RNF213: variants seen among roughly 807,000 people sequenced by gnomAD.
RNF213 encodes the protein ring finger protein 213.
A neutral mutation model predicts 514.4 loss-of-function variants in RNF213; 341 were observed. The observed-to-expected ratio is 0.66, with a 90% confidence interval of 0.61 to 0.73. RNF213 has a LOEUF of 0.73. Among genes scored for constraint, RNF213 ranks in the 30% least tolerant of loss-of-function variants. The pLI is 0.00. For missense variants in RNF213, 5,767 were observed against 6,615.6 expected (o/e 0.87, Z 4.45); for synonymous variants, 2,655 against 2,658.2 (o/e 1.00, Z 0.04).
chr17:80,388,777 C>T, intron 64 of RNF213, 88 bp downstream of exon 64: 1 of 1,068,624 alleles, frequency 9.4e-7, no homozygotes, highest in Non-Finnish European at 1.5e-6. Flanking sequence ...CAGCCTTGCC[C>T]CGGGTGTTTG....
chr17:80,281,705 T>A (rs1458137462), intron 3 of RNF213, among the ~76,000 whole-genome samples: 1 of 138,058 alleles, frequency 7.2e-6, no homozygotes, highest in East Asian at 2.2e-4. Flanking sequence ...CATCTCATAC[T>A]CACACTGAAA....
chr17:80,293,864 G>T (rs1404904328), intron 8 of RNF213, among the ~76,000 whole-genome samples: 2 of 152,082 alleles, frequency 1.3e-5, no homozygotes, highest in Non-Finnish European at 2.9e-5. Flanking sequence ...TTGACCTGGA[G>T]GTCGGCAGAA....
chr17:80,273,613 CTTTTT>C (rs56957242), intron 3 of RNF213, among the ~76,000 whole-genome samples: 2,013 of 97,612 alleles, frequency 0.021, 67 homozygotes, highest in African/African-American at 0.076. Context: ...CCTCCACCGT[CTTTTT>C]TTTTTTTTTT....
chr17:80,354,419 G>A lies in RNF213; in HGVS notation c.10727-22G>A, dbSNP rs142714112. On this transcript the variant is annotated intron_variant, in intron 35 of 67. Coordinates refer to ENST00000582970, the MANE Select transcript of RNF213 (RefSeq NM_001256071.3). The stretch of plus-strand genomic sequence containing the variant: ...CAGCTCAGCCACGGCCATGCTGAAC[G>A]TCTGTTTCTGCCTTTGTACAGCCTC... 1.8e-4 allele frequency: 296 copies of A among 1,614,204 alleles called. No homozygotes were observed. The African/African-American group carries it at 2.8e-3, about 15-fold the overall frequency.
chr17:80,313,316 C>T (rs2045634539), intron 15 of RNF213, 149 bp downstream of exon 15: 2 of 1,094,980 alleles, frequency 1.8e-6, no homozygotes, highest in Non-Finnish European at 2.8e-6. Context: ...GGAGTTGCTC[C>T]TGTCTACCTG....
In RNF213 at chr17:80,352,692, G is replaced by A. The variant is rs2078571624; in HGVS notation, c.10304-248G>A. On this transcript the variant is annotated intron_variant, in intron 32 of 67. Coordinates refer to ENST00000582970, the MANE Select transcript of RNF213 (RefSeq NM_001256071.3). ...GGCCTTATCCATGCGTCCTTCCCAC[G>A]CTGGCCATTGCAGGTCTTACCGTTG... is the stretch of plus-strand genomic sequence containing the variant. The A allele has an allele frequency of 6.3e-6, 4 of 639,270 alleles. No individual in the cohort carries two copies. The Admixed American group carries it at 7.0e-5, about 11-fold the overall frequency. The allele number at this position is 639,270 out of a possible 1,614,324, so 39.6% of individuals were successfully genotyped here.
chr17:80,376,660 T>C, intron 52 of RNF213, 117 bp downstream of exon 52: 1 of 1,425,730 alleles, frequency 7.0e-7, no homozygotes, highest in Non-Finnish European at 9.7e-7. Flanking sequence ...CTCAGTTCTC[T>C]GCCTTTGTGT....
In RNF213 at chr17:80,300,212, AT is replaced by A. The variant is rs796643395; in HGVS notation, c.2210+1701del. 6.6e-5 allele frequency among the ~76,000 whole-genome samples: 10 copies of A among 151,528 alleles called. No individual in the cohort carries two copies. In the South Asian group the frequency reaches 1.5e-3, roughly 22 times the overall value. The stretch of plus-strand genomic sequence containing the variant: ...CTCCGCAACCTCACCAGCATCTGTT[AT>A]TTTTTTACCTTTTAATAGCAGCCAT... On this transcript the variant is annotated intron_variant, in intron 11 of 67. Coordinates refer to ENST00000582970, the MANE Select transcript of RNF213 (RefSeq NM_001256071.3).
chr17:80,283,131 G>A (rs541169857), intron 3 of RNF213, among the ~76,000 whole-genome samples: 2 of 152,096 alleles, frequency 1.3e-5, no homozygotes, highest in South Asian at 2.1e-4. Context: ...TATGTAGTTC[G>A]AGATTCTGGG....
At chr17:80,278,591 T>C (rs999222902) in intron 3 of RNF213, among the ~76,000 whole-genome samples, 1 of 152,192 alleles carries the variant, frequency 6.6e-6, no homozygotes, top group Non-Finnish European at 1.5e-5. Flanking sequence ...CTCCTGCCCA[T>C]GGGCCCTGGA....
In RNF213 at chr17:80,346,524, A is replaced by G. The variant is rs1160994755; in HGVS notation, c.8189A>G (p.Asp2730Gly). 1 of 1,613,452 alleles carries G rather than the reference A, an allele frequency of 6.2e-7. No homozygotes were observed. The highest frequency in any genetic ancestry group is 8.5e-7 in the Non-Finnish European group (1 of 1,180,030). Residue 2730 changes from aspartate (D) to glycine (G), a missense_variant, in exon 29 of 68, where the codon GAT becomes GGT. Asp to Gly is a moderately conservative substitution (Grantham distance 94, BLOSUM62 -1). Around this residue, in one of 13 missense-constraint regions of RNF213, gnomAD observed 1,377 missense variants for 1,635.2 expected, o/e 0.84. Coordinates refer to ENST00000582970, the MANE Select transcript of RNF213 (RefSeq NM_001256071.3). This position sits in a 1 kb window ranked among gnomAD's most constrained non-coding sequence, Gnocchi z 8.1. The part of the protein sequence containing the change: ...LLLDEITRAQ[D>G]LFLDGVPLRK... ...CTGGATGAAATAACACGGGCACAGG[A>G]TCTTTTTCTGGACGGCGTACCTCTG...
chr17:80,377,230 T>G lies in RNF213; in HGVS notation c.13510+267T>G. 4.0e-6 allele frequency: 2 copies of G among 495,418 alleles called. No individual in the cohort carries two copies. Among genetic ancestry groups the G allele is most frequent in the Non-Finnish European group, 7.4e-6 (2 of 271,530 alleles). The allele number at this position is 495,418 out of a possible 1,614,324, so 30.7% of individuals were successfully genotyped here. On this transcript the variant is annotated intron_variant, in intron 53 of 67. Transcript: ENST00000582970. This position sits in a 1 kb window ranked among gnomAD's most constrained non-coding sequence, Gnocchi z 4.1. The stretch of plus-strand genomic sequence containing the variant: ...TTCTGTTCTCTGGAATATGCCATTT[T>G]GGGAGAAGGGAGGGACTGGGAACCA...
At chr17:80,351,640 G>A (rs759162874) in intron 31 of RNF213, 45 bp from the exon 32 acceptor site, 2 of 1,014,936 alleles carry the variant, frequency 2.0e-6, no homozygotes, top group East Asian at 2.5e-5. Flanking sequence ...TTTTGTGTGT[G>A]TGTTTGTTTT....
Position 80,353,083 on chromosome 17 carries a change from G to C in RNF213, c.10423+24G>C. ...GCGTGAGTCACGAGGCGGAGCCCCT[G>C]GGGGAGCAGGTGGTGGAAGGGCAGA... On this transcript the variant is annotated intron_variant, in intron 33 of 67. Coordinates refer to ENST00000582970, the MANE Select transcript of RNF213 (RefSeq NM_001256071.3). The surrounding 1 kb of genome is among the most constrained non-coding windows in gnomAD (Gnocchi z 5.0). 6.2e-7 allele frequency: 1 copy of C among 1,608,962 alleles called. No individual in the cohort carries two copies. Among genetic ancestry groups the C allele is most frequent in the South Asian group, 1.1e-5 (1 of 91,086 alleles).
At chr17:80,372,448 G>A in intron 47 of RNF213, 73 bp from the exon 48 acceptor site, 1 of 1,072,628 alleles carries the variant, frequency 9.3e-7, no homozygotes, top group Non-Finnish European at 1.4e-6. Flanking sequence ...AGTCACATTG[G>A]CGACTGTAGA....
At chr17:80,360,336 T>C (rs1368960058) in intron 38 of RNF213, 130 bp downstream of exon 38, 4 of 1,070,142 alleles carry the variant, frequency 3.7e-6, no homozygotes, top group Non-Finnish European at 5.6e-6. Flanking sequence ...ACACTTTGTT[T>C]GTGCAGTAAG....
chr17:80,381,563 T>C lies in RNF213; in HGVS notation c.13814T>C (p.Ile4605Thr). ...SQSSQALINI[I>T]KPPVRDPKGF... ...CCCCCACAGGCTCTGATAAACATCA[T>C]TAAGCCTCCAGTGAGGGATCCAAAA... The change falls in exon 57 of 68, where the codon ATT (isoleucine) becomes ACT (threonine). Residue 4605 changes from isoleucine (I) to threonine (T), a missense_variant. Around this residue, in one of 13 missense-constraint regions of RNF213, gnomAD observed 1,245 missense variants for 1,339.0 expected, o/e 0.93. Coordinates refer to ENST00000582970, the MANE Select transcript of RNF213 (RefSeq NM_001256071.3). 6.2e-7 allele frequency: 1 copy of C among 1,614,206 alleles called. No individual in the cohort carries two copies. The highest frequency in any genetic ancestry group is 8.5e-7 in the Non-Finnish European group (1 of 1,180,024).
chr17:80,381,593 T>G lies in RNF213; in HGVS notation c.13844T>G (p.Phe4615Cys), dbSNP rs2080006549. The G allele has an allele frequency of 6.2e-7, 1 of 1,614,062 alleles. No individual in the cohort carries two copies. Among genetic ancestry groups the G allele is most frequent in the Admixed American group, 1.7e-5 (1 of 60,008 alleles). Residue 4615 changes from phenylalanine to cysteine, a missense_variant, in exon 57 of 68, where the codon TTT (phenylalanine) becomes TGT (cysteine). Phe to Cys is a radical substitution (Grantham distance 205). This residue lies in a region of RNF213 where 1,245 missense variants were observed against 1,339.0 expected (regional missense o/e 0.93). Coordinates refer to ENST00000582970, the MANE Select transcript of RNF213 (RefSeq NM_001256071.3). ...IKPPVRDPKGFLQQHILKDLE... is the reference protein window; with the variant it reads ...IKPPVRDPKGCLQQHILKDLE... ...CCTCCAGTGAGGGATCCAAAAGGCT[T>G]TCTGCAGCAGCACATCCTGAAGGAC...
chr17:80,332,765 G>A, intron 21 of RNF213, 134 bp downstream of exon 21: 4 of 1,021,378 alleles, frequency 3.9e-6, no homozygotes, highest in Non-Finnish European at 5.5e-6. Context: ...CTGTGTGTGT[G>A]GTACTTGAGG....
Sources: allele counts gnomAD v4.1 joint callset (sites outside exome capture counted in the v4.1 genomes callset), GRCh38; gene constraint gnomAD v4.1.1; regional missense constraint gnomAD v4.1.1; non-coding constraint Gnocchi (gnomAD v3.1); transcripts MANE v1.5; gene names NCBI Gene and HGNC (gene_info 2026-07-23, HGNC 2026-07-21).